CDC25B: variants seen among roughly 807,000 people sequenced by gnomAD.
CDC25B encodes the protein cell division cycle 25B, also known as M-phase inducer phosphatase 2.
CDC25B carries 33 observed loss-of-function variants against 69.8 expected under a neutral mutation model. That is an observed-to-expected ratio of 0.47 (90% CI 0.36 to 0.63). The LOEUF is 0.63. Among genes scored for constraint, CDC25B ranks in the 30% least tolerant of loss-of-function variants. The pLI is 0.00. For synonymous variants in CDC25B, 341 were observed against 314.6 expected (o/e 1.08, Z -0.89); for missense variants, 727 against 809.1 (o/e 0.90, Z 1.23).
chr20:3,787,030 G>GTTTT, exon 1 of CDC25B: 6 of 452,550 alleles, frequency 1.3e-5, no homozygotes, highest in East Asian at 3.6e-5. Flanking sequence ...GTTTTTGTTT[G>GTTTT]TTTTTTTTTT....
At chr20:3,800,565 T>G (rs2089241218) in intron 5 of CDC25B, 67 bp downstream of exon 5, 1 of 1,594,738 alleles carries the variant, frequency 6.3e-7, no homozygotes, top group African/African-American at 1.3e-5. Context: ...ATGAGCAGGA[T>G]GCATTCAGGG....
At chr20:3,801,142 G>C (rs200305663) in intron 7 of CDC25B, 49 bp downstream of exon 7, 1 of 1,609,206 alleles carries the variant, frequency 6.2e-7, no homozygotes, top group South Asian at 1.1e-5. Flanking sequence ...AGGCAGCCTC[G>C]GAGAAGAGGA....
At chr20:3,796,238 T>A, upstream of CDC25B, 3 of 1,196,516 alleles carry the variant, frequency 2.5e-6, no homozygotes, top group Non-Finnish European at 2.1e-6. Flanking sequence ...CGCTACCCCA[T>A]TGGTGGCGTC....
intron 9 of CDC25B, 47 bp downstream of exon 9, chr20:3,801,849 A>G (rs1370212054): frequency 1.3e-6 from 2 of 1,585,512 alleles, no homozygotes; most frequent in South Asian, 2.3e-5. Flanking sequence ...CATGGGGTCC[A>G]TCCTACTCTC....
intron 15 of CDC25B, 35 bp from the exon 16 acceptor site, chr20:3,804,786 A>T: frequency 6.2e-7 from 1 of 1,612,178 alleles, no homozygotes; most frequent in Non-Finnish European, 8.5e-7. Context: ...AAACTTACCC[A>T]TTCCACTGCA....
chr20:3,804,749 G>T (rs1368049417), intron 15 of CDC25B, 69 bp downstream of exon 15: 9 of 1,592,676 alleles, frequency 5.7e-6, no homozygotes, highest in Non-Finnish European at 6.9e-6. Context: ...GCCATGGGAT[G>T]GGGGGTGGGA....
rs1156353143 is a variant in CDC25B at position 3,796,655 on chromosome 20, TC to T, written c.128del (p.Pro43ArgfsTer32). Reference protein sequence around the residue: ...LLLGSHGLLGSPVRAAASSPV... With the variant: ...LLLGSHGLLGXPVRAAASSPV... ...GCTGGGATCTCATGGCCTCCTGGGG[TC>T]CCCGGTGCGGGCGGCCGCTTCCTCG... On this transcript the variant is annotated frameshift_variant, in exon 1 of 16. Coordinates refer to ENST00000245960, the MANE Select transcript of CDC25B (RefSeq NM_021873.4). LOFTEE classifies it high-confidence loss of function. The T allele has an allele frequency of 2.0e-6, 3 of 1,494,998 alleles. No individual in the cohort carries two copies. The highest frequency in any genetic ancestry group is 2.6e-5 in the East Asian group (1 of 38,268). 92.6% of individuals were successfully genotyped at this position (1,494,998 alleles called of 1,614,324 possible). A position where few individuals can be genotyped will look rare whatever the true frequency, so the allele number is the denominator to read the frequency against.
At chr20:3,788,658 T>C (rs2088864649) in intron 1 of CDC25B, among the ~76,000 whole-genome samples, 2 of 152,328 alleles carry the variant, frequency 1.3e-5, no homozygotes, top group South Asian at 4.1e-4. Context: ...GTGTGGTCAC[T>C]GGGCAAAAAT....
At chr20:3,798,523 G>A (rs2089150193) in intron 3 of CDC25B, 60 bp downstream of exon 3, 2 of 1,358,588 alleles carry the variant, frequency 1.5e-6, no homozygotes, top group Non-Finnish European at 1.0e-6. Flanking sequence ...AAGAATCCTA[G>A]TTCTACCATA....
In CDC25B at chr20:3,801,312, G is replaced by T. The variant is rs151315259; in HGVS notation, c.764G>T (p.Arg255Leu). ...VEELSPLALG[R>L]FSLTPAEGDT... is the part of the protein sequence containing the mutation. ...GAGCTCAGCCCCCTGGCCCTAGGTCGCTTCTCTCTGACCCCTGCAGAGGGG... is the reference window on the plus strand; with the variant it reads ...GAGCTCAGCCCCCTGGCCCTAGGTCTCTTCTCTCTGACCCCTGCAGAGGGG... Residue 255 changes from arginine to leucine, a missense_variant, in exon 8 of 16, where the codon CGC (arginine) becomes CTC (leucine). Physicochemically the swap from Arg to Leu is moderately radical, Grantham distance 102. This residue lies in a region of CDC25B where 359 missense variants were observed against 463.4 expected (regional missense o/e 0.77). Coordinates refer to ENST00000245960, the MANE Select transcript of CDC25B (RefSeq NM_021873.4). 1.1e-5 allele frequency: 18 copies of T among 1,614,032 alleles called. No homozygotes were observed. Among genetic ancestry groups the T allele is most frequent in the Non-Finnish European group, 1.5e-5 (18 of 1,180,008 alleles).
At chr20:3,794,079 A>G (rs1600380772), upstream of CDC25B, among the ~76,000 whole-genome samples, 1 of 150,570 alleles carries the variant, frequency 6.6e-6, no homozygotes, top group African/African-American at 2.5e-5. Flanking sequence ...GTGTCTTTAT[A>G]GCAGCATGAT....
rs1392646735 is a variant in CDC25B at position 3,805,648 on chromosome 20, G to T, written c.*687G>T. On this transcript the variant is annotated 3_prime_UTR_variant, in exon 16 of 16. Coordinates refer to ENST00000245960, the MANE Select transcript of CDC25B (RefSeq NM_021873.4). ...CAGTTACCCACTCGGTCCCAGTTTT[G>T]TTGCCCCAGAAAGGGATGTTATTAT... 1 of 368,534 alleles carries T rather than the reference G, an allele frequency of 2.7e-6. No homozygotes were observed. The highest frequency in any genetic ancestry group is 2.1e-5 in the African/African-American group (1 of 47,746). The allele number at this position is 368,534 out of a possible 1,614,324, so 22.8% of individuals were successfully genotyped here.
At position 3,796,713 on chromosome 20, in the gene CDC25B, A is replaced by T; in HGVS notation, c.182A>T (p.Asp61Val). The change falls in exon 1 of 16, where the codon GAC (aspartate) becomes GTC (valine). Residue 61 changes from aspartate (D) to valine (V), a missense_variant. Physicochemically the swap from Asp to Val is radical, Grantham distance 152. Around this residue, in one of 2 missense-constraint regions of CDC25B, gnomAD observed 368 missense variants for 345.6 expected, o/e 1.06. Coordinates refer to ENST00000245960, the MANE Select transcript of CDC25B (RefSeq NM_021873.4). ...ACCACCCTCACCCAGACCATGCACG[A>T]CCTCGCCGGGCTCGGCAGGTAGGAC... ...PVTTLTQTMHDLAGLGSETPK... is the reference protein window; with the variant it reads ...PVTTLTQTMHVLAGLGSETPK... The T allele has an allele frequency of 6.4e-7, 1 of 1,568,960 alleles. No individual in the cohort carries two copies. Among genetic ancestry groups the T allele is most frequent in the Non-Finnish European group, 8.6e-7 (1 of 1,166,448 alleles).
At chr20:3,795,556 C>T (rs998744760), upstream of CDC25B, among the ~76,000 whole-genome samples, 19 of 152,196 alleles carry the variant, frequency 1.2e-4, no homozygotes, top group Admixed American at 3.9e-4. Context: ...CCTCCTCGAC[C>T]CCCAGCCGCG....
intron 14 of CDC25B, 69 bp from the exon 15 acceptor site, chr20:3,804,500 G>T: frequency 1.0e-6 from 1 of 973,994 alleles, no homozygotes; most frequent in East Asian, 2.4e-5. Context: ...GGGACGTGGG[G>T]GATAGGTCCC....
intron 14 of CDC25B, 59 bp from the exon 15 acceptor site, chr20:3,804,510 C>T: frequency 9.2e-7 from 1 of 1,081,154 alleles, no homozygotes; most frequent in Admixed American, 1.7e-5. Flanking sequence ...GGATAGGTCC[C>T]ATGATGTACA....
upstream of CDC25B, among the ~76,000 whole-genome samples, chr20:3,794,672 C>T (rs1230898208): frequency 1.3e-5 from 2 of 152,156 alleles, no homozygotes; most frequent in Non-Finnish European, 2.9e-5. Flanking sequence ...TTCAGTCTTG[C>T]AGAGCCCTCT....
At chr20:3,787,974 A>G (rs932377315) in intron 1 of CDC25B, among the ~76,000 whole-genome samples, 1 of 152,156 alleles carries the variant, frequency 6.6e-6, no homozygotes, top group Non-Finnish European at 1.5e-5. Flanking sequence ...CGTCTCTACT[A>G]AAAATACAAA....
chr20:3,802,702 CT>C, intron 11 of CDC25B: 1 of 612,384 alleles, frequency 1.6e-6, no homozygotes, highest in Middle Eastern at 4.4e-4. Flanking sequence ...TTCCACTTCC[CT>C]TTTTCATTTC....
Sources: gnomAD v4.1 joint callset for allele counts (sites outside exome capture counted in the v4.1 genomes callset) on GRCh38, gnomAD v4.1.1 for gene constraint, gnomAD v4.1.1 regional missense constraint, MANE v1.5 for transcripts, NCBI Gene and HGNC (gene_info 2026-07-23, HGNC 2026-07-21) for gene names.